The following SACS variants were observed in gnomAD, a reference collection of about 807,000 sequenced individuals.
SACS encodes sacsin molecular chaperone.
Under a neutral mutation model 348.0 loss-of-function variants are expected in SACS, and 197 were observed. The observed-to-expected ratio is 0.57, with a 90% CI of 0.50 to 0.64. The LOEUF (loss-of-function observed/expected upper bound fraction) is 0.64, where lower values mean the gene tolerates loss of function less well. SACS is among the 30% of genes least tolerant of loss of function. SACS has a pLI of 0.00. For synonymous variants in SACS, 1,985 were observed against 1,910.6 expected, an observed-to-expected ratio of 1.04 and a Z score of -1.02; for missense variants, 4,999 against 5,360.8, an observed-to-expected ratio of 0.93 and a Z score of 2.11.
intron 2 of SACS, among the ~76,000 whole-genome samples, chr13:23,395,723 C>T (rs1038217502): frequency 6.6e-6 from 1 of 152,144 alleles, no homozygotes; most frequent in Non-Finnish European, 1.5e-5. Flanking sequence ...CATTAGCCCT[C>T]GTAGTGAGCA....
intron 2 of SACS, among the ~76,000 whole-genome samples, chr13:23,377,160 G>C (rs1324175357): frequency 6.6e-6 from 1 of 152,156 alleles, no homozygotes; most frequent in Non-Finnish European, 1.5e-5. Flanking sequence ...AGTGCTAATG[G>C]GTGTGGGGTT....
At chr13:23,369,048 A>G (rs1342456411) in intron 4 of SACS, among the ~76,000 whole-genome samples, 1 of 152,212 alleles carries the variant, frequency 6.6e-6, no homozygotes, top group Non-Finnish European at 1.5e-5. Context: ...ATGTTCAAAA[A>G]TATAATAACT....
At chr13:23,376,882 T>A (rs1189846640) in intron 2 of SACS, among the ~76,000 whole-genome samples, 1 of 152,152 alleles carries the variant, frequency 6.6e-6, no homozygotes, top group African/African-American at 2.4e-5. Context: ...TGAAACCCTG[T>A]CTCTACTAAA....
intron 2 of SACS, among the ~76,000 whole-genome samples, chr13:23,382,165 T>G (rs1049827848): frequency 2.6e-5 from 4 of 152,220 alleles, no homozygotes; most frequent in Admixed American, 2.0e-4. Context: ...TGTTTTTTGT[T>G]TTTTTTGAGA....
At chr13:23,373,144 G>A (rs1173653417) in intron 3 of SACS, among the ~76,000 whole-genome samples, 2 of 152,220 alleles carry the variant, frequency 1.3e-5, no homozygotes, top group Non-Finnish European at 2.9e-5. Context: ...AGTAGAACCA[G>A]AGGAGGAACC....
chr13:23,340,064 C>T lies in SACS; in HGVS notation c.3812G>A (p.Arg1271Lys). The T allele has an allele frequency of 6.2e-7, 1 of 1,614,028 alleles. No homozygotes were observed. ...CCAAACCCATGGAAATTTTAAGGCT[C>T]TAAAAGAATCTTTCCCTTCATTTAG... is the stretch of plus-strand genomic sequence containing the variant. ...DHLNEGKDSF[R>K]ALKFPWVWTG... is the part of the protein sequence containing the mutation. Residue 1271 changes from arginine to lysine, a missense_variant, in exon 10 of 10, where the codon AGA becomes AAA. Physicochemically the swap from Arg to Lys is conservative, Grantham distance 26. Coordinates refer to ENST00000382292, the MANE Select transcript of SACS (RefSeq NM_014363.6).
At chr13:23,353,968 G>A (rs180925922) in intron 8 of SACS, 92 bp from the exon 9 acceptor site, 173 of 799,518 alleles carry the variant, frequency 2.2e-4, no homozygotes, top group East Asian at 9.3e-4. Context: ...CAGTTAAGCC[G>A]ACTATTTTAT....
In SACS at chr13:23,334,234, A is replaced by G. The variant is rs2137582243; in HGVS notation, c.9642T>C (p.Phe3214=). 6.2e-7 allele frequency: 1 copy of G among 1,613,666 alleles called. No individual in the cohort carries two copies. Among genetic ancestry groups the G allele is most frequent in the Non-Finnish European group, 8.5e-7 (1 of 1,179,762 alleles). Residue 3214 remains phenylalanine (F), a synonymous_variant, in exon 10 of 10, where the codon TTT becomes TTC. Transcript: ENST00000382292. ...GCAACACAGAGGATAACAAATCAGC[A>G]AAGCTGGAAATGTCAAACACTTTTG... ...KVAKVFDISS[F]ADLLSSVLPR...
At position 23,333,794 on chromosome 13, in the gene SACS, A is replaced by G. The variant is rs1883646678; in HGVS notation, c.10082T>C (p.Ile3361Thr). Residue 3361 changes from isoleucine to threonine, a missense_variant, in exon 10 of 10, where the codon ATC becomes ACC. Coordinates refer to ENST00000382292, the MANE Select transcript of SACS (RefSeq NM_014363.6). Reference sequence around the variant, plus strand: ...GACCATATAATGTAGAGCCTTCAAGATGCTTGTGGGGCTCTCTATATTTGC... The same window carrying G: ...GACCATATAATGTAGAGCCTTCAAGGTGCTTGTGGGGCTCTCTATATTTGC... ...HTANIESPTS[I>T]LKALHYMVQT... is the part of the protein sequence containing the mutation. 7 of 1,613,838 alleles carry G rather than the reference A, an allele frequency of 4.3e-6. No homozygotes were observed. Among genetic ancestry groups the G allele is most frequent in the South Asian group, 2.2e-5 (2 of 91,068 alleles).
Position 23,358,391 on chromosome 13 carries a change from T to C in SACS, c.548A>G (p.Asp183Gly). 1 of 1,614,194 alleles carries C rather than the reference T, an allele frequency of 6.2e-7. No homozygotes were observed. Among genetic ancestry groups the C allele is most frequent in the South Asian group, 1.1e-5 (1 of 91,086 alleles). Reference sequence around the variant, plus strand: ...TCCAAATCTTCCGACCTTCAGAGGATCATCCTTTTTCCTGCTTCTTGCTAT... The same window carrying C: ...TCCAAATCTTCCGACCTTCAGAGGACCATCCTTTTTCCTGCTTCTTGCTAT... ...QEIARSRKKD[D>G]PLKVGRFGIG... Residue 183 changes from aspartate (D) to glycine (G), a missense_variant, in exon 7 of 10, where the codon GAT (aspartate) becomes GGT (glycine). By Grantham distance (94) the Asp-to-Gly change is moderately conservative. Around this residue, in one of 6 missense-constraint regions of SACS, gnomAD observed 3,156 missense variants for 3,380.1 expected, o/e 0.93. Transcript: ENST00000382292.
At chr13:23,394,924 A>C (rs1466177088) in intron 2 of SACS, among the ~76,000 whole-genome samples, 3 of 152,198 alleles carry the variant, frequency 2.0e-5, no homozygotes, top group Admixed American at 6.5e-5. Context: ...TGGACCTCTC[A>C]TACCCAGACA....
chr13:23,421,640 T>C (rs943249148), intron 1 of SACS, among the ~76,000 whole-genome samples: 4 of 152,086 alleles, frequency 2.6e-5, no homozygotes, highest in Non-Finnish European at 4.4e-5. Flanking sequence ...GTGCCTGATA[T>C]ACATCTTAAG....
intron 1 of SACS, among the ~76,000 whole-genome samples, chr13:23,430,524 T>C (rs1403971761): frequency 1.3e-5 from 2 of 152,200 alleles, no homozygotes; most frequent in East Asian, 3.8e-4. Context: ...GGTTTTTAAA[T>C]GGTGAAATTT....
intron 2 of SACS, among the ~76,000 whole-genome samples, chr13:23,382,817 C>G (rs61948385): frequency 7.0e-6 from 1 of 143,530 alleles, no homozygotes; most frequent in African/African-American, 2.6e-5. Context: ...GAGTCTAGCT[C>G]TGCTGCCAGG....
At chr13:23,385,284 CA>C (rs1159829003) in intron 2 of SACS, among the ~76,000 whole-genome samples, 1 of 152,038 alleles carries the variant, frequency 6.6e-6, no homozygotes, top group Non-Finnish European at 1.5e-5. Context: ...AAGTCATCCA[CA>C]AGGGTTGGAA....
intron 2 of SACS, among the ~76,000 whole-genome samples, chr13:23,399,022 A>AAAAAAAAAAAC (rs1555259343): frequency 1.4e-5 from 2 of 145,990 alleles, no homozygotes; most frequent in African/African-American, 5.3e-5. Flanking sequence ...TCCATCTCAA[A>AAAAAAAAAAAC]AAAAAAAAAA....
chr13:23,329,894 C>G lies in SACS; in HGVS notation c.*242G>C, dbSNP rs936555145. ...AAGTGCAGTTCAATGATGTATCATC[C>G]CAATCATTCAAATCCATCCAGCTAT... is the stretch of plus-strand genomic sequence containing the variant. On this transcript the variant is annotated 3_prime_UTR_variant, in exon 10 of 10. Transcript: ENST00000382292. 3.6e-6 allele frequency: 2 copies of G among 551,224 alleles called. No homozygotes were observed. Among genetic ancestry groups the G allele is most frequent in the African/African-American group, 3.8e-5 (2 of 52,844 alleles). 34.1% of individuals were successfully genotyped at this position (551,224 alleles called of 1,614,324 possible).
Position 23,333,015 on chromosome 13 carries a change from AT to A in SACS, c.10860del (p.Leu3621CysfsTer25), listed in dbSNP as rs1276179365. The A allele has an allele frequency of 1.2e-6, 2 of 1,613,958 alleles. No individual in the cohort carries two copies. The highest frequency in any genetic ancestry group is 1.7e-6 in the Non-Finnish European group (2 of 1,179,908). On this transcript the variant is annotated frameshift_variant, in exon 10 of 10. Coordinates refer to ENST00000382292, the MANE Select transcript of SACS (RefSeq NM_014363.6). LOFTEE classifies it high-confidence loss of function. Reference protein sequence around the residue: ...RANTENWSKETLQNTVDILLH... With the variant: ...RANTENWSKEXLQNTVDILLH... ...AGAAGGATATCAACTGTATTTTGCA[AT>A]GTTTCTTTGGACCAGTTTTCTGTAT...
intron 1 of SACS, among the ~76,000 whole-genome samples, chr13:23,424,790 G>C (rs1874101756): frequency 6.6e-6 from 1 of 152,134 alleles, no homozygotes; most frequent in Non-Finnish European, 1.5e-5. Flanking sequence ...GTACAAAGAA[G>C]CTTTGTGATG....
Sources: allele counts gnomAD v4.1 joint callset (sites outside exome capture counted in the v4.1 genomes callset), GRCh38; gene constraint gnomAD v4.1.1; regional missense constraint gnomAD v4.1.1; transcripts MANE v1.5; gene names NCBI Gene and HGNC (gene_info 2026-07-23, HGNC 2026-07-21).